Variants in ZKSCAN7 observed in about 807,000 individuals in gnomAD.
ZKSCAN7 encodes zinc finger protein with KRAB and SCAN domains 7.
Under a neutral mutation model 65.3 loss-of-function variants are expected in ZKSCAN7, and 38 were observed. The ratio of observed to expected loss-of-function variants is 0.58; its 90% CI spans 0.45 to 0.76. ZKSCAN7 has a LOEUF of 0.76. Ranked by LOEUF, ZKSCAN7 falls within the 30% of genes least tolerant of loss-of-function variation. The pLI, the probability that ZKSCAN7 is intolerant of heterozygous loss-of-function variation, is 0.00. For synonymous variants in ZKSCAN7, 321 were observed against 321.0 expected (o/e 1.00, Z 0.00); for missense variants, 815 against 913.3 (o/e 0.89, Z 1.39).
At chr3:44,558,693 T>G (rs1254941394) in intron 2 of ZKSCAN7, among the ~76,000 whole-genome samples, 1 of 151,398 alleles carries the variant, frequency 6.6e-6, no homozygotes, top group Non-Finnish European at 1.5e-5. Flanking sequence ...TTCTTCTTTC[T>G]TCTTTGTCCT....
rs1699820071 is a variant in ZKSCAN7 at position 44,572,036 on chromosome 3, G to A, written c.*661G>A. On this transcript the variant is annotated 3_prime_UTR_variant, in exon 6 of 6. Coordinates refer to ENST00000426540, the MANE Select transcript of ZKSCAN7 (RefSeq NM_001288590.2). ...TGTGGTTAATTGCCTTGTAAATTTT[G>A]CGTGTCTGTATACTTTTATACCAAC... 1 of 985,470 alleles carries A rather than the reference G, an allele frequency of 1.0e-6. No individual in the cohort carries two copies. The highest frequency in any genetic ancestry group is 1.2e-6 in the Non-Finnish European group (1 of 830,100). The allele number at this position is 985,470 out of a possible 1,614,324, so 61.0% of individuals were successfully genotyped here.
intron 5 of ZKSCAN7, chr3:44,580,282 T>TA (rs1177776755): frequency 6.2e-7 from 1 of 1,613,850 alleles, no homozygotes; most frequent in Non-Finnish European, 8.5e-7. Flanking sequence ...ATGCGGTCGC[T>TA]ACTCATGGCG....
Position 44,563,642 on chromosome 3 carries a change from C to A in ZKSCAN7, c.424-1845C>A, listed in dbSNP as rs567910376. ...ATTACAAGAACAGCAAGGGGGAAAT[C>A]TTCCCCCCCTACCCCCACCCCCCGT... On this transcript the variant is annotated intron_variant, in intron 2 of 5. Coordinates refer to ENST00000426540, the MANE Select transcript of ZKSCAN7 (RefSeq NM_001288590.2). Among the ~76,000 whole-genome samples the A allele has an allele frequency of 7.7e-4, 56 of 73,144 alleles. No individual in the cohort carries two copies. The East Asian group carries it at 0.014, about 18-fold the overall frequency. 48.0% of individuals were successfully genotyped at this position (73,144 alleles called of 152,430 possible). A position where few individuals can be genotyped will look rare whatever the true frequency, so the allele number is the denominator to read the frequency against.
intron 2 of ZKSCAN7, among the ~76,000 whole-genome samples, chr3:44,562,196 A>C (rs1452557752): frequency 6.6e-6 from 1 of 152,198 alleles, no homozygotes; most frequent in Non-Finnish European, 1.5e-5. Context: ...GCCCAACAAC[A>C]TGTGAAAGCT....
chr3:44,571,744 G>A lies in ZKSCAN7; in HGVS notation c.*369G>A. The stretch of plus-strand genomic sequence containing the variant: ...TCCTCCATTTCACCATTTATACAAA[G>A]TCATTCAAAAAGGCTGATTCATGCC... On this transcript the variant is annotated 3_prime_UTR_variant, in exon 6 of 6. Transcript: ENST00000426540. 9.6e-7 allele frequency: 1 copy of A among 1,041,430 alleles called. No homozygotes were observed. The highest frequency in any genetic ancestry group is 1.2e-6 in the Non-Finnish European group (1 of 863,924). 64.5% of individuals were successfully genotyped at this position (1,041,430 alleles called of 1,614,324 possible).
chr3:44,566,286 A>G (rs1006608117), intron 3 of ZKSCAN7, among the ~76,000 whole-genome samples: 14 of 152,340 alleles, frequency 9.2e-5, no homozygotes, highest in African/African-American at 3.4e-4. Flanking sequence ...TTGTTTGTAC[A>G]GGACCTTGAG....
Position 44,570,476 on chromosome 3 carries a change from C to G in ZKSCAN7, c.1366C>G (p.Gln456Glu), listed in dbSNP as rs1335091529. ...KAYRHSSHLI[Q>E]HQRLHNGEKP... ...CTATAGGCACAGCTCCCATCTCATT[C>G]AACACCAGAGACTCCATAATGGGGA... is the stretch of plus-strand genomic sequence containing the variant. The change falls in exon 6 of 6, where the codon CAA becomes GAA. Residue 456 changes from glutamine to glutamate, a missense_variant. Gln to Glu is a conservative substitution (Grantham distance 29). Coordinates refer to ENST00000426540, the MANE Select transcript of ZKSCAN7 (RefSeq NM_001288590.2). The G allele has an allele frequency of 5.6e-6, 9 of 1,614,000 alleles. No homozygotes were observed. Among genetic ancestry groups the G allele is most frequent in the Middle Eastern group, 1.6e-4 (1 of 6,084 alleles).
Position 44,571,333 on chromosome 3 carries a change from C to T in ZKSCAN7, c.2223C>T (p.His741=), listed in dbSNP as rs771348093. Residue 741 remains histidine (H), a synonymous_variant, in exon 6 of 6, where the codon CAC becomes CAT. Transcript: ENST00000426540. ...CTTTTAATCACCACCAGCGAACTCACACTGGAGAGAAGTCCTCAGGTCTGG... is the reference window on the plus strand; with the variant it reads ...CTTTTAATCACCACCAGCGAACTCATACTGGAGAGAAGTCCTCAGGTCTGG... ...RSTFNHHQRT[H]TGEKSSGLAW... is the part of the protein sequence containing the mutation. 3.1e-6 allele frequency: 5 copies of T among 1,614,238 alleles called. No homozygotes were observed. Among genetic ancestry groups the T allele is most frequent in the Admixed American group, 1.7e-5 (1 of 60,026 alleles).
intron 5 of ZKSCAN7, chr3:44,580,509 G>T (rs1255468965): frequency 2.5e-6 from 4 of 1,610,896 alleles, no homozygotes; most frequent in Admixed American, 1.7e-5. Context: ...AGCCACCTTG[G>T]CAGGCCCAGG....
intron 5 of ZKSCAN7, chr3:44,578,342 T>C: frequency 6.2e-7 from 1 of 1,601,412 alleles, no homozygotes; most frequent in Non-Finnish European, 8.6e-7. Flanking sequence ...TTCATAGGCA[T>C]CCTTGCCCTG....
rs557305455 is a variant in ZKSCAN7, at chr3:44,580,739, G to C, written c.812-2233G>C. 1.4e-4 allele frequency: 232 copies of C among 1,613,948 alleles called. 3 individuals carry two copies. In the African/African-American group the frequency reaches 2.9e-3, roughly 20 times the overall value. On this transcript the variant is annotated intron_variant, in intron 5 of 5. Coordinates refer to the ZKSCAN7 transcript ENST00000341840. ...CTGTGCACTGGTTCATGTTGATGGT[G>C]CCCTGAGGAAGGGTCGTGGGCATCT... is the stretch of plus-strand genomic sequence containing the variant.
At chr3:44,572,587 C>T (rs867143026), downstream of ZKSCAN7, among the ~76,000 whole-genome samples, 2 of 151,978 alleles carry the variant, frequency 1.3e-5, no homozygotes, top group Admixed American at 6.6e-5. Flanking sequence ...CAGTGGCTCA[C>T]GCCTGTAATC....
chr3:44,565,343 C>T, intron 2 of ZKSCAN7, 144 bp from the exon 3 acceptor site: 1 of 721,122 alleles, frequency 1.4e-6, no homozygotes, highest in South Asian at 2.9e-5. Context: ...TTTTTTCCCC[C>T]AGTAGACTGT....
In ZKSCAN7 at chr3:44,557,102, C is replaced by G. The variant is rs1387947782; in HGVS notation, c.55C>G (p.Gln19Glu). The G allele has an allele frequency of 5.0e-6, 8 of 1,614,122 alleles. No homozygotes were observed. The highest frequency in any genetic ancestry group is 6.8e-6 in the Non-Finnish European group (8 of 1,180,042). ...LGLIPRSTAF[Q>E]KQEGRLTVKQ... is the part of the protein sequence containing the mutation. ...CCTCATCCCCAGGAGCACTGCTTTC[C>G]AGAAGCAAGAGGGGCGCCTGACTGT... Residue 19 changes from glutamine to glutamate, a missense_variant, in exon 2 of 6, where the codon CAG becomes GAG. Around this residue, in one of 3 missense-constraint regions of ZKSCAN7, gnomAD observed 227 missense variants for 253.3 expected, o/e 0.90. Transcript: ENST00000426540.
At chr3:44,573,274 C>T (rs548208989), downstream of ZKSCAN7, among the ~76,000 whole-genome samples, 70 of 152,342 alleles carry the variant, frequency 4.6e-4, no homozygotes, top group African/African-American at 1.6e-3. Context: ...CCTTCTCTTT[C>T]CATCCCTTAA....
At chr3:44,561,217 C>T (rs1037305089) in intron 2 of ZKSCAN7, among the ~76,000 whole-genome samples, 12 of 152,192 alleles carry the variant, frequency 7.9e-5, no homozygotes, top group Admixed American at 5.9e-4. Flanking sequence ...AACCTACAAT[C>T]ATGGCAGAAG....
At chr3:44,558,781 C>CTT (rs1559422610) in intron 2 of ZKSCAN7, among the ~76,000 whole-genome samples, 50 of 74,246 alleles carry the variant, frequency 6.7e-4, no homozygotes, top group Middle Eastern at 7.8e-3. Context: ...CTTTCTTCTT[C>CTT]ATTTTTTTTT....
chr3:44,560,470 G>A (rs75130605), intron 2 of ZKSCAN7, among the ~76,000 whole-genome samples: 7,080 of 150,454 alleles, frequency 0.047, 211 homozygotes, highest in Non-Finnish European at 0.068. Context: ...GGGCTGCAGA[G>A]TCATGCAACT....
At chr3:44,555,922 C>A (rs1341611122) in intron 1 of ZKSCAN7, among the ~76,000 whole-genome samples, 1 of 152,192 alleles carries the variant, frequency 6.6e-6, no homozygotes, top group East Asian at 1.9e-4. Context: ...ATTATGTGTG[C>A]CATGTGCACA....
Sources: gnomAD v4.1 joint callset for allele counts (sites outside exome capture counted in the v4.1 genomes callset) on GRCh38, gnomAD v4.1.1 for gene constraint, gnomAD v4.1.1 regional missense constraint, MANE v1.5 for transcripts, NCBI Gene and HGNC (gene_info 2026-07-23, HGNC 2026-07-21) for gene names.